Variants in CAP2 observed in about 807,000 individuals in gnomAD.
CAP2 encodes the protein cyclase associated actin cytoskeleton regulatory protein 2.
CAP2 carries 24 observed loss-of-function variants against 57.7 expected under a neutral mutation model. The observed-to-expected ratio is 0.42, with a 90% CI of 0.30 to 0.58. The LOEUF (loss-of-function observed/expected upper bound fraction) is 0.58, where lower values mean the gene tolerates loss of function less well. Among genes scored for constraint, CAP2 ranks in the 20% least tolerant of loss-of-function variants. The pLI, the probability that CAP2 is intolerant of heterozygous loss-of-function variation, is 0.22. For missense variants in CAP2, 501 were observed against 590.3 expected (o/e 0.85, Z 1.57); for synonymous variants, 194 against 207.2 (o/e 0.94, Z 0.55).
At chr6:17,411,208 A>T (rs1476234592) in intron 1 of CAP2, among the ~76,000 whole-genome samples, 2 of 152,214 alleles carry the variant, frequency 1.3e-5, no homozygotes, top group African/African-American at 2.4e-5. Flanking sequence ...GTTAATGGAC[A>T]TTTGGATTGT....
At chr6:17,400,717 T>A (rs1004155797) in intron 1 of CAP2, among the ~76,000 whole-genome samples, 3 of 151,836 alleles carry the variant, frequency 2.0e-5, no homozygotes, top group African/African-American at 7.3e-5. Flanking sequence ...CAAAAAAAAT[T>A]AGCCAGGCGT....
At chr6:17,506,657 G>C (rs193212044) in intron 4 of CAP2, among the ~76,000 whole-genome samples, 1 of 151,798 alleles carries the variant, frequency 6.6e-6, no homozygotes, top group South Asian at 2.1e-4. Context: ...AAAGGGTTGC[G>C]GGGGAGGCCT....
intron 8 of CAP2, among the ~76,000 whole-genome samples, chr6:17,539,831 G>A (rs554304717): frequency 3.3e-4 from 51 of 152,330 alleles, no homozygotes; most frequent in African/African-American, 1.2e-3. Context: ...TGTAATCACA[G>A]CACTTTGGGA....
At chr6:17,479,867 G>A (rs150130010) in intron 4 of CAP2, among the ~76,000 whole-genome samples, 2,110 of 151,764 alleles carry the variant, frequency 0.014, 47 homozygotes, top group African/African-American at 0.047. Context: ...CGCCCACCTC[G>A]GCCTCCCAAA....
chr6:17,554,128 A>G (rs1365432190), intron 12 of CAP2, among the ~76,000 whole-genome samples: 1 of 152,156 alleles, frequency 6.6e-6, no homozygotes, highest in Non-Finnish European at 1.5e-5. Context: ...TTTGTCTGAG[A>G]CAGGGTCTTG....
chr6:17,531,408 C>G, intron 7 of CAP2: 2 of 1,595,148 alleles, frequency 1.3e-6, no homozygotes, highest in Non-Finnish European at 1.7e-6. Flanking sequence ...AAGTTGCCAG[C>G]TTTTCTTGCC....
At chr6:17,549,895 C>T (rs533479757) in intron 11 of CAP2, among the ~76,000 whole-genome samples, 1 of 152,342 alleles carries the variant, frequency 6.6e-6, no homozygotes, top group South Asian at 2.1e-4. Context: ...TGAGTAATTT[C>T]ACTCTTAGTG....
Position 17,475,448 on chromosome 6 carries a change from A to G in CAP2, c.300+12375A>G, listed in dbSNP as rs567203275. On this transcript the variant is annotated intron_variant, in intron 4 of 12. Transcript: ENST00000229922. ...GGAAGATTAGAGAAGAACAAGCGAGATAGTGTTGGTGAGGCATTTCATTTC... is the reference window on the plus strand; with the variant it reads ...GGAAGATTAGAGAAGAACAAGCGAGGTAGTGTTGGTGAGGCATTTCATTTC... 3.3e-5 allele frequency among the ~76,000 whole-genome samples: 5 copies of G among 152,266 alleles called. No homozygotes were observed. The East Asian group carries it at 7.7e-4, about 24-fold the overall frequency.
chr6:17,440,122 G>A (rs1431161634), intron 3 of CAP2, among the ~76,000 whole-genome samples: 1 of 151,638 alleles, frequency 6.6e-6, no homozygotes, highest in East Asian at 1.9e-4. Context: ...GTTCACATGT[G>A]TGTGATGTTG....
intron 4 of CAP2, among the ~76,000 whole-genome samples, chr6:17,488,473 T>G (rs1761473719): frequency 6.6e-6 from 1 of 152,216 alleles, no homozygotes; most frequent in Non-Finnish European, 1.5e-5. Context: ...TCATTCATCT[T>G]TGAATAGCTC....
At position 17,537,575 on chromosome 6, in the gene CAP2, TA is replaced by T. The variant is rs1210299265; in HGVS notation, c.637-1691del. ...CGCTGATTTTGATACTGCATAATAC[TA>T]AATTGTTTATGACAATAAGGATATT... On this transcript the variant is annotated intron_variant, in intron 7 of 12. Coordinates refer to ENST00000229922, the MANE Select transcript of CAP2 (RefSeq NM_006366.3). Among the ~76,000 whole-genome samples, 7 of 152,104 alleles carry T rather than the reference TA, an allele frequency of 4.6e-5. No individual in the cohort carries two copies. The East Asian group carries it at 1.3e-3, about 29-fold the overall frequency.
In CAP2 at chr6:17,460,150, T is replaced by C. The variant is rs147487577; in HGVS notation, c.223-2846T>C. ...ATCAAGCTAGTCTCAGATGTCACCA[T>C]TGCCACATCTGGGGCCACGCTCTCT... On this transcript the variant is annotated intron_variant, in intron 3 of 12. Transcript: ENST00000229922. Among the ~76,000 whole-genome samples, 668 of 152,290 alleles carry C rather than the reference T, an allele frequency of 4.4e-3. 5 individuals carry two copies. Among genetic ancestry groups the C allele is most frequent in the African/African-American group, 0.015 (630 of 41,556 alleles).
intron 3 of CAP2, among the ~76,000 whole-genome samples, chr6:17,448,878 C>T (rs1271618697): frequency 2.0e-5 from 3 of 152,054 alleles, no homozygotes. Context: ...TCTCCTGCCT[C>T]AGCCTTCCGA....
intron 7 of CAP2, among the ~76,000 whole-genome samples, chr6:17,529,597 C>CT: frequency 6.7e-6 from 1 of 148,494 alleles, no homozygotes; most frequent in African/African-American, 2.5e-5. Flanking sequence ...GCCGAGATCA[C>CT]GCCACTGCAC....
intron 3 of CAP2, among the ~76,000 whole-genome samples, chr6:17,455,281 A>AG (rs1319519023): frequency 1.9e-5 from 2 of 105,012 alleles, no homozygotes; most frequent in Non-Finnish European, 4.2e-5. Flanking sequence ...TCTACTGGTA[A>AG]GGAAAAAAAA....
At chr6:17,532,702 C>T (rs1400032895) in intron 7 of CAP2, among the ~76,000 whole-genome samples, 3 of 147,140 alleles carry the variant, frequency 2.0e-5, no homozygotes, top group South Asian at 4.3e-4. Flanking sequence ...GAGCTGAGAT[C>T]ACGCCACTGC....
At chr6:17,397,497 A>G (rs888670545) in intron 1 of CAP2, among the ~76,000 whole-genome samples, 9 of 151,912 alleles carry the variant, frequency 5.9e-5, no homozygotes, top group African/African-American at 1.4e-4. Flanking sequence ...GATCGAGACC[A>G]TCCTGGCTAA....
chr6:17,445,867 G>A (rs958755600), intron 3 of CAP2, among the ~76,000 whole-genome samples: 11 of 152,180 alleles, frequency 7.2e-5, no homozygotes, highest in East Asian at 3.9e-4. Flanking sequence ...ACCGCCGCAC[G>A]TGCTGTGCAC....
Position 17,494,462 on chromosome 6 carries a change from G to A in CAP2, c.301-12707G>A, listed in dbSNP as rs1039372389. On this transcript the variant is annotated intron_variant, in intron 4 of 12. Transcript: ENST00000229922. ...CTCTCTCTGGGGAGCCCTTCCTCCA[G>A]ATGTCTACATGGCTAATGCCACTTC... is the stretch of plus-strand genomic sequence containing the variant. Among the ~76,000 whole-genome samples, 7 of 152,042 alleles carry A rather than the reference G, an allele frequency of 4.6e-5. No homozygotes were observed. The East Asian group carries it at 1.4e-3, about 29-fold the overall frequency.
Sources: allele counts gnomAD v4.1 joint callset (sites outside exome capture counted in the v4.1 genomes callset), GRCh38; gene constraint gnomAD v4.1.1; transcripts MANE v1.5; gene names NCBI Gene and HGNC (gene_info 2026-07-23, HGNC 2026-07-21).